The following FAM13C variants were observed in gnomAD, a reference collection of about 807,000 sequenced individuals.
FAM13C encodes the protein protein FAM13C.
In FAM13C, 37 loss-of-function variants were observed where a neutral mutation model predicts 73.2. The ratio of observed to expected loss-of-function variants is 0.51; its 90% CI spans 0.39 to 0.67. FAM13C has a LOEUF of 0.67. Among genes scored for constraint, FAM13C ranks in the 30% least tolerant of loss-of-function variants. The probability of loss-of-function intolerance (pLI) is 0.00; values close to 1 mark genes in which losing one functional copy is unlikely to be tolerated. For missense variants in FAM13C, 589 were observed against 715.6 expected (o/e 0.82, Z 2.02); for synonymous variants, 246 against 260.9 (o/e 0.94, Z 0.55).
chr10:59,304,788 G>GGGAAGGGAAGGGAAC (rs1848019029), intron 4 of FAM13C, among the ~76,000 whole-genome samples: 2 of 74,858 alleles, frequency 2.7e-5, no homozygotes, highest in Non-Finnish European at 6.1e-5. Context: ...GGGAAGGGAA[G>GGGAAGGGAAGGGAAC]GGAAGGGAAG....
intron 5 of FAM13C, among the ~76,000 whole-genome samples, chr10:59,295,832 T>TCTCC (rs1846850931): frequency 6.6e-6 from 1 of 152,200 alleles, no homozygotes; most frequent in Non-Finnish European, 1.5e-5. Flanking sequence ...ATAGATGGCA[T>TCTCC]CTCCAGTGAT....
At chr10:59,360,237 C>T (rs1046384635) in intron 1 of FAM13C, among the ~76,000 whole-genome samples, 6 of 152,130 alleles carry the variant, frequency 3.9e-5, no homozygotes, top group African/African-American at 1.4e-4. Flanking sequence ...AATTTGAATC[C>T]ACTTCCCAAG....
chr10:59,247,437 G>T lies in FAM13C; in HGVS notation c.*177C>A. On this transcript the variant is annotated 3_prime_UTR_variant, in exon 14 of 14. Coordinates refer to ENST00000618804, the MANE Select transcript of FAM13C (RefSeq NM_198215.4). Reference sequence around the variant, plus strand: ...GGCTACCTGTTGTATTCTTCCCCCCGTTTAAATCCCTTCTCCTTGTATATA... The same window carrying T: ...GGCTACCTGTTGTATTCTTCCCCCCTTTTAAATCCCTTCTCCTTGTATATA... 1 of 718,548 alleles carries T rather than the reference G, an allele frequency of 1.4e-6. No homozygotes were observed. Among genetic ancestry groups the T allele is most frequent in the Non-Finnish European group, 2.3e-6 (1 of 442,872 alleles). 44.5% of individuals were successfully genotyped at this position (718,548 alleles called of 1,614,324 possible). A position where few individuals can be genotyped will look rare whatever the true frequency, so the allele number is the denominator to read the frequency against.
intron 6 of FAM13C, among the ~76,000 whole-genome samples, chr10:59,280,220 T>C (rs1844777067): frequency 1.3e-5 from 2 of 152,186 alleles, no homozygotes; most frequent in South Asian, 4.1e-4. Context: ...GGATATTTAG[T>C]GCTAAAAATA....
intron 3 of FAM13C, among the ~76,000 whole-genome samples, chr10:59,340,267 G>C (rs961050528): frequency 6.6e-6 from 1 of 152,040 alleles, no homozygotes; most frequent in African/African-American, 2.4e-5. Context: ...ATTATTTTCT[G>C]AGTTAGAATA....
intron 6 of FAM13C, among the ~76,000 whole-genome samples, chr10:59,272,691 T>G (rs1589414326): frequency 6.6e-6 from 1 of 152,186 alleles, no homozygotes; most frequent in Admixed American, 6.5e-5. Context: ...TCTGTGGGGC[T>G]CCAGCCAGTT....
At chr10:59,348,901 T>C (rs1057276954) in intron 3 of FAM13C, among the ~76,000 whole-genome samples, 1 of 152,230 alleles carries the variant, frequency 6.6e-6, no homozygotes, top group African/African-American at 2.4e-5. Context: ...TACAAAGTGC[T>C]GGGATTACAG....
At chr10:59,280,083 A>T (rs1844762447) in intron 6 of FAM13C, among the ~76,000 whole-genome samples, 1 of 152,180 alleles carries the variant, frequency 6.6e-6, no homozygotes, top group Non-Finnish European at 1.5e-5. Flanking sequence ...ATATTTTAAT[A>T]AGTTGTTGGG....
At chr10:59,269,874 G>C in intron 7 of FAM13C, 25 bp downstream of exon 7, 2 of 1,609,482 alleles carry the variant, frequency 1.2e-6, no homozygotes, top group Non-Finnish European at 1.7e-6. Context: ...ATGAAATGAA[G>C]ACAATAACAA....
intron 5 of FAM13C, among the ~76,000 whole-genome samples, chr10:59,298,156 G>A (rs1847138636): frequency 6.6e-6 from 1 of 152,128 alleles, no homozygotes; most frequent in African/African-American, 2.4e-5. Flanking sequence ...TGGCATCTTA[G>A]GCCTGGAGAG....
chr10:59,305,959 G>A (rs1231025863), intron 4 of FAM13C, among the ~76,000 whole-genome samples: 1 of 152,236 alleles, frequency 6.6e-6, no homozygotes, highest in Non-Finnish European at 1.5e-5. Flanking sequence ...AGCAGTCTTG[G>A]AGACAGGGGT....
chr10:59,303,711 A>G (rs908768888), intron 4 of FAM13C, among the ~76,000 whole-genome samples: 2 of 152,070 alleles, frequency 1.3e-5, no homozygotes, highest in African/African-American at 4.8e-5. Flanking sequence ...GGGTCATGGG[A>G]TCTGTGACAG....
chr10:59,253,269 G>C (rs1178714691), intron 11 of FAM13C, among the ~76,000 whole-genome samples: 1 of 152,218 alleles, frequency 6.6e-6, no homozygotes, highest in African/African-American at 2.4e-5. Flanking sequence ...TGAAGGCACA[G>C]ACCATTAGGA....
intron 4 of FAM13C, among the ~76,000 whole-genome samples, chr10:59,313,860 C>T (rs1849226335): frequency 6.6e-6 from 1 of 152,072 alleles, no homozygotes; most frequent in Admixed American, 6.6e-5. Flanking sequence ...TTATAGAGGG[C>T]AAACCAGAAT....
intron 1 of FAM13C, 138 bp downstream of exon 1, chr10:59,362,261 A>T (rs939886859): frequency 8.2e-7 from 1 of 1,219,076 alleles, no homozygotes; most frequent in Non-Finnish European, 1.1e-6. Flanking sequence ...AGCACGTCTC[A>T]CGGTCTTCAC....
At chr10:59,343,884 C>T (rs1315601266) in intron 3 of FAM13C, among the ~76,000 whole-genome samples, 47 of 151,858 alleles carry the variant, frequency 3.1e-4, no homozygotes, top group Non-Finnish European at 2.9e-5. Context: ...ATGAAATATG[C>T]AATTAAGGAG....
intron 8 of FAM13C, among the ~76,000 whole-genome samples, chr10:59,265,441 T>C (rs1027006191): frequency 6.6e-6 from 1 of 151,038 alleles, no homozygotes; most frequent in East Asian, 2.0e-4. Context: ...TGATGCACTG[T>C]ATCGTCTAGT....
At chr10:59,317,573 C>G (rs1849694243) in intron 4 of FAM13C, among the ~76,000 whole-genome samples, 1 of 151,960 alleles carries the variant, frequency 6.6e-6, no homozygotes. Context: ...TTCAATTTAG[C>G]CATAAATGAA....
At chr10:59,348,618 T>C (rs1297090412) in intron 3 of FAM13C, among the ~76,000 whole-genome samples, 1 of 152,200 alleles carries the variant, frequency 6.6e-6, no homozygotes, top group Non-Finnish European at 1.5e-5. Flanking sequence ...TTGAGTTTAA[T>C]GACCTACTCC....
Sources: allele counts gnomAD v4.1 joint callset (sites outside exome capture counted in the v4.1 genomes callset), GRCh38; gene constraint gnomAD v4.1.1; transcripts MANE v1.5; gene names NCBI Gene and HGNC (gene_info 2026-07-23, HGNC 2026-07-21).